PTPRD: variants seen among roughly 807,000 people sequenced by gnomAD.
PTPRD encodes receptor-type tyrosine-protein phosphatase delta.
A neutral mutation model predicts 214.5 loss-of-function variants in PTPRD; 34 were observed. The ratio of observed to expected loss-of-function variants is 0.16; its 90% confidence interval spans 0.12 to 0.21. The LOEUF (loss-of-function observed/expected upper bound fraction) is 0.21. Ranked by LOEUF, PTPRD falls within the 10% of genes least tolerant of loss-of-function variation. PTPRD has a pLI of 1.00. For synonymous variants in PTPRD, 1,128 were observed against 845.7 expected, an observed-to-expected ratio of 1.33 and a Z score of -5.79; for missense variants, 2,545 against 2,398.7, an observed-to-expected ratio of 1.06 and a Z score of -1.27.
At position 10,483,298 on chromosome 9, in the gene PTPRD, G is replaced by C. The variant is rs371877464; in HGVS notation, c.-600+129100C>G. 1.3e-5 allele frequency among the ~76,000 whole-genome samples: 2 copies of C among 152,082 alleles called. 1 individual carries two copies. The highest frequency in any genetic ancestry group is 6.8e-3 in the Middle Eastern group (2 of 294). Reference sequence around the variant, plus strand: ...AAAAATGAACTCAAGATGGATTAAAGACTTAAATCTAACCCCTAACACCAT... The same window carrying C: ...AAAAATGAACTCAAGATGGATTAAACACTTAAATCTAACCCCTAACACCAT... On this transcript the variant is annotated intron_variant, in intron 2 of 45. Coordinates refer to ENST00000381196, the MANE Select transcript of PTPRD (RefSeq NM_002839.4).
Position 10,061,531 on chromosome 9 carries a change from A to G in PTPRD, c.-544-27741T>C, listed in dbSNP as rs186866172. Among the ~76,000 whole-genome samples, 467 of 152,160 alleles carry G rather than the reference A, an allele frequency of 3.1e-3. 3 individuals are homozygous for G. Among genetic ancestry groups the G allele is most frequent in the African/African-American group, 0.011 (442 of 41,560 alleles). On this transcript the variant is annotated intron_variant, in intron 3 of 45. Transcript: ENST00000381196. ...ATTGCTTTGAAGACTAAGTTCACAC[A>G]CTAGAGTAATTAACTACATAATTAG...
intron 9 of PTPRD, among the ~76,000 whole-genome samples, chr9:9,252,454 C>T (rs2099975876): frequency 6.6e-6 from 1 of 151,924 alleles, no homozygotes; most frequent in African/African-American, 2.4e-5. Context: ...TTTATTTTAG[C>T]TGAAGATGGT....
intron 9 of PTPRD, among the ~76,000 whole-genome samples, chr9:9,316,754 A>G (rs1963379385): frequency 6.6e-6 from 1 of 152,206 alleles, no homozygotes; most frequent in Non-Finnish European, 1.5e-5. Flanking sequence ...AAATATTAAA[A>G]TAACACAATC....
intron 10 of PTPRD, among the ~76,000 whole-genome samples, chr9:9,034,720 G>C (rs1729486576): frequency 6.6e-6 from 1 of 152,122 alleles, no homozygotes; most frequent in South Asian, 2.1e-4. Context: ...TCTGTGTCCA[G>C]AGGCGAGTTA....
chr9:8,523,006 A>G (rs2097921004), intron 19 of PTPRD, among the ~76,000 whole-genome samples: 1 of 152,108 alleles, frequency 6.6e-6, no homozygotes, highest in Non-Finnish European at 1.5e-5. Context: ...CAGTCATAGG[A>G]GAAGAAGAGA....
intron 11 of PTPRD, among the ~76,000 whole-genome samples, chr9:8,758,047 A>C (rs949266721): frequency 5.3e-5 from 8 of 152,216 alleles, no homozygotes; most frequent in African/African-American, 1.9e-4. Context: ...TCCGTGCTTC[A>C]ACTTCCATCT....
chr9:10,393,276 G>T (rs2098106343), intron 2 of PTPRD, among the ~76,000 whole-genome samples: 1 of 151,294 alleles, frequency 6.6e-6, no homozygotes, highest in African/African-American at 2.4e-5. Context: ...AGTAACAATT[G>T]GTCTGCTATT....
chr9:8,348,396 GTTTC>G (rs563314746), intron 39 of PTPRD, among the ~76,000 whole-genome samples: 134 of 152,172 alleles, frequency 8.8e-4, no homozygotes, highest in Middle Eastern at 3.4e-3. Context: ...CCCTTTGTGG[GTTTC>G]TTTTTTTCTT....
chr9:9,370,200 G>C (rs1024950692), intron 9 of PTPRD, among the ~76,000 whole-genome samples: 1 of 152,086 alleles, frequency 6.6e-6, no homozygotes, highest in Non-Finnish European at 1.5e-5. Flanking sequence ...ATTACTTTGG[G>C]CAGTATGGCC....
intron 2 of PTPRD, among the ~76,000 whole-genome samples, chr9:10,366,616 C>T (rs1002431150): frequency 6.6e-6 from 1 of 152,076 alleles, no homozygotes; most frequent in Non-Finnish European, 1.5e-5. Context: ...GTTATTTTTG[C>T]TATTTTTATA....
intron 35 of PTPRD, among the ~76,000 whole-genome samples, chr9:8,410,902 T>C (rs2093459997): frequency 6.6e-6 from 1 of 152,164 alleles, no homozygotes; most frequent in African/African-American, 2.4e-5. Context: ...AAATCATTCA[T>C]CCATGGCAAG....
chr9:9,254,166 T>G (rs1355319274), intron 9 of PTPRD, among the ~76,000 whole-genome samples: 1 of 152,010 alleles, frequency 6.6e-6, no homozygotes, highest in African/African-American at 2.4e-5. Flanking sequence ...ATTAATAGGC[T>G]CCAGGGATTA....
chr9:9,065,225 A>T (rs533233274), intron 10 of PTPRD, among the ~76,000 whole-genome samples: 38 of 152,276 alleles, frequency 2.5e-4, no homozygotes, highest in Middle Eastern at 3.4e-3. Flanking sequence ...ACAAATAAGG[A>T]TAGGGTGAAA....
At chr9:9,635,234 G>A (rs959095473) in intron 7 of PTPRD, among the ~76,000 whole-genome samples, 21 of 152,102 alleles carry the variant, frequency 1.4e-4, no homozygotes, top group African/African-American at 4.8e-4. Flanking sequence ...ATGTCTGAGG[G>A]ATGTATGCTT....
chr9:9,208,126 T>C (rs2099946154), intron 9 of PTPRD, among the ~76,000 whole-genome samples: 1 of 148,334 alleles, frequency 6.7e-6, no homozygotes, highest in South Asian at 2.2e-4. Context: ...GCCATTCTCC[T>C]GTCTCAGCCT....
chr9:10,343,126 C>A (rs893386236), intron 2 of PTPRD, among the ~76,000 whole-genome samples: 3 of 152,014 alleles, frequency 2.0e-5, no homozygotes, highest in Non-Finnish European at 2.9e-5. Context: ...ATCCCTCCCC[C>A]AGCCCCCGAC....
intron 14 of PTPRD, among the ~76,000 whole-genome samples, chr9:8,561,618 A>C (rs2086399184): frequency 6.6e-6 from 1 of 152,146 alleles, no homozygotes; most frequent in African/African-American, 2.4e-5. Context: ...GGGGGGGTGG[A>C]GAGTGGAGGG....
At chr9:9,294,029 C>T (rs1412883) in intron 9 of PTPRD, among the ~76,000 whole-genome samples, 20,446 of 151,442 alleles carry the variant, frequency 0.14, 1,686 homozygotes, top group Middle Eastern at 0.2. Flanking sequence ...ACACAAGCAC[C>T]TGTGATACTG....
chr9:9,847,702 G>A (rs1301860978), intron 5 of PTPRD, among the ~76,000 whole-genome samples: 1 of 152,030 alleles, frequency 6.6e-6, no homozygotes, highest in Non-Finnish European at 1.5e-5. Context: ...TCATGCTGTT[G>A]CTCTTGACCA....
Sources: allele counts gnomAD v4.1 joint callset (sites outside exome capture counted in the v4.1 genomes callset), GRCh38; gene constraint gnomAD v4.1.1; transcripts MANE v1.5; gene names NCBI Gene and HGNC (gene_info 2026-07-23, HGNC 2026-07-21).